The following KLF8 variants were observed in gnomAD, a reference collection of about 807,000 sequenced individuals.
KLF8 encodes the protein KLF transcription factor 8.
Under a neutral mutation model 18.2 loss-of-function variants are expected in KLF8, and 10 were observed. The observed-to-expected ratio is 0.55, with a 90% CI of 0.34 to 0.93. The LOEUF (loss-of-function observed/expected upper bound fraction) is 0.93, where lower values mean the gene tolerates loss of function less well. Among genes scored for constraint, KLF8 ranks in the 40% least tolerant of loss-of-function variants. KLF8 has a pLI of 0.02. For missense variants in KLF8, 264 were observed against 277.9 expected, an observed-to-expected ratio of 0.95 and a Z score of 0.36; for synonymous variants, 109 against 97.3, an observed-to-expected ratio of 1.12 and a Z score of -0.71.
At chrX:55,933,929 T>C in the KLF8 span, among the ~76,000 whole-genome samples, 1 of 112,199 alleles carries the variant, frequency 8.9e-6, no homozygotes, top group African/African-American at 3.2e-5. Flanking sequence ...ATGCTTTGAA[T>C]TCCAAATTGC....
At chrX:56,003,877 C>T in the KLF8 span, among the ~76,000 whole-genome samples, 2 of 112,053 alleles carry the variant, frequency 1.8e-5, no homozygotes, top group African/African-American at 6.5e-5. Context: ...AAATCATTTT[C>T]CGTGACACAA....
chrX:56,100,040 AAG>A, the KLF8 span, among the ~76,000 whole-genome samples: 1 of 111,630 alleles, frequency 9.0e-6, no homozygotes, highest in African/African-American at 3.3e-5. Flanking sequence ...ATACCTAGAG[AAG>A]AGAAGTCAAT....
At chrX:55,908,468 A>C in the KLF8 span, 1 of 297,400 alleles carries the variant, frequency 3.4e-6, no homozygotes, top group Non-Finnish European at 5.9e-6. Context: ...AGATACCAAA[A>C]GGAAGAAAAA....
the KLF8 span, chrX:55,961,734 GT>G: frequency 2.7e-6 from 1 of 367,179 alleles, no homozygotes; most frequent in Non-Finnish European, 5.2e-6. Flanking sequence ...CAAATTTATT[GT>G]TACTATGACC....
the KLF8 span, among the ~76,000 whole-genome samples, chrX:56,068,429 C>A: frequency 7.2e-5 from 8 of 111,404 alleles, no homozygotes; most frequent in African/African-American, 2.3e-4. Flanking sequence ...GACTCTGCCA[C>A]TGGAAACCAG....
the KLF8 span, among the ~76,000 whole-genome samples, chrX:56,157,557 T>A: frequency 1.8e-5 from 2 of 111,196 alleles, no homozygotes; most frequent in Non-Finnish European, 3.8e-5. Context: ...ACCTGTTGTT[T>A]CCTGACTTTT....
chrX:56,093,400 A>G, the KLF8 span, among the ~76,000 whole-genome samples: 2 of 111,300 alleles, frequency 1.8e-5, no homozygotes, highest in Non-Finnish European at 3.8e-5. Flanking sequence ...AGAGTGGAGT[A>G]AGGTATTTAT....
the KLF8 span, among the ~76,000 whole-genome samples, chrX:56,171,698 G>T: frequency 9.0e-6 from 1 of 111,644 alleles, no homozygotes; most frequent in African/African-American, 3.3e-5. Context: ...CAAAGGACAT[G>T]AACTCATCCT....
At chrX:56,179,640 C>T in the KLF8 span, among the ~76,000 whole-genome samples, 1 of 111,664 alleles carries the variant, frequency 9.0e-6, no homozygotes, top group Non-Finnish European at 1.9e-5. Flanking sequence ...TCCTAAATAG[C>T]TCTTATTATT....
intron 3 of KLF8, chrX:56,265,990 G>T: frequency 1.1e-6 from 1 of 901,262 alleles, no homozygotes; most frequent in Non-Finnish European, 1.4e-6. Flanking sequence ...ACAACTTCCT[G>T]GAACTTCCAC....
the KLF8 span, among the ~76,000 whole-genome samples, chrX:56,094,812 C>G: frequency 5.4e-5 from 6 of 110,720 alleles, no homozygotes; most frequent in Admixed American, 5.8e-4. Flanking sequence ...CTAGAAAGCC[C>G]AAAACACGTA....
chrX:56,146,797 T>A, the KLF8 span, among the ~76,000 whole-genome samples: 2 of 111,656 alleles, frequency 1.8e-5, no homozygotes, highest in Admixed American at 1.9e-4. Flanking sequence ...ATGGGAGGAA[T>A]TTTTCAGTGT....
the KLF8 span, among the ~76,000 whole-genome samples, chrX:56,047,324 G>C: frequency 5.5e-5 from 6 of 108,857 alleles, no homozygotes; most frequent in African/African-American, 1.0e-4. Flanking sequence ...GTGCAGGTTT[G>C]TTACATATGT....
the KLF8 span, among the ~76,000 whole-genome samples, chrX:56,047,050 G>C: frequency 9.8e-6 from 1 of 101,720 alleles, no homozygotes; most frequent in Non-Finnish European, 1.9e-5. Flanking sequence ...TGGAGGCTTT[G>C]TTCATTTTTT....
At chrX:55,960,868 G>A in the KLF8 span, among the ~76,000 whole-genome samples, 38 of 111,304 alleles carry the variant, frequency 3.4e-4, no homozygotes, top group Non-Finnish European at 4.5e-4. Flanking sequence ...GTGGCTTAAT[G>A]CCCAACTTAA....
At chrX:56,116,723 G>A in the KLF8 span, among the ~76,000 whole-genome samples, 2 of 103,418 alleles carry the variant, frequency 1.9e-5, no homozygotes, top group South Asian at 4.4e-4. Flanking sequence ...TACAGTTACC[G>A]TATTTTCTTT....
rs1419724735 is a variant in KLF8 at position 56,233,262 on chromosome X, A to G, written c.-73A>G. ...GTGTGAGGGGAACAGCTCTCTTGCGATCAGCTCAGGAGTATGAGCCTCCCG... is the reference window on the plus strand; with the variant it reads ...GTGTGAGGGGAACAGCTCTCTTGCGGTCAGCTCAGGAGTATGAGCCTCCCG... On this transcript the variant is annotated 5_prime_UTR_variant, in exon 1 of 6. Transcript: ENST00000468660. The G allele has an allele frequency of 1.7e-6, 2 of 1,186,197 alleles. No individual in the cohort carries two copies. Among genetic ancestry groups the G allele is most frequent in the East Asian group, 6.0e-5 (2 of 33,606 alleles).
intron 2 of KLF8, among the ~76,000 whole-genome samples, chrX:56,257,948 A>G (rs1296880440): frequency 8.9e-6 from 1 of 112,323 alleles, no homozygotes; most frequent in Admixed American, 9.4e-5. Context: ...AGTTTTAAAA[A>G]TTGTTCTCAA....
the KLF8 span, among the ~76,000 whole-genome samples, chrX:56,160,571 TC>T: frequency 9.0e-6 from 1 of 111,692 alleles, no homozygotes; most frequent in Non-Finnish European, 1.9e-5. Context: ...ATCTGGGTGC[TC>T]CTGTATTGGG....
Sources: allele counts gnomAD v4.1 joint callset (sites outside exome capture counted in the v4.1 genomes callset), GRCh38; gene constraint gnomAD v4.1.1; transcripts MANE v1.5; gene names NCBI Gene and HGNC (gene_info 2026-07-23, HGNC 2026-07-21).